The following ZFYVE9 variants were observed in gnomAD, a reference collection of about 807,000 sequenced individuals.
ZFYVE9 encodes zinc finger FYVE domain-containing protein 9.
In ZFYVE9, 43 loss-of-function variants were observed where a neutral mutation model predicts 126.7. That is an observed-to-expected ratio of 0.34 (90% CI 0.27 to 0.44). The LOEUF is 0.44. Ranked by LOEUF, ZFYVE9 falls within the 20% of genes least tolerant of loss-of-function variation. ZFYVE9 has a pLI of 1.00. For synonymous variants in ZFYVE9, 521 were observed against 597.4 expected (o/e 0.87, Z 1.87); for missense variants, 1,476 against 1,697.0 (o/e 0.87, Z 2.29).
At chr1:52,283,203 T>C (rs561288737) in intron 10 of ZFYVE9, among the ~76,000 whole-genome samples, 3 of 152,322 alleles carry the variant, frequency 2.0e-5, no homozygotes, top group South Asian at 2.1e-4. Flanking sequence ...AATCTGAATG[T>C]ATTCACTTTT....
intron 1 of ZFYVE9, among the ~76,000 whole-genome samples, chr1:52,159,897 G>A (rs1297219179): frequency 6.6e-6 from 1 of 151,744 alleles, no homozygotes; most frequent in Non-Finnish European, 1.5e-5. Flanking sequence ...CCAGGTTCAC[G>A]CTGTTCTCCT....
chr1:52,160,537 G>A, intron 1 of ZFYVE9: 1 of 774,134 alleles, frequency 1.3e-6, no homozygotes, highest in South Asian at 1.4e-5. Context: ...CCCAGCCCTT[G>A]TGACACGCCT....
rs548212599 is a variant in ZFYVE9 at position 52,156,937 on chromosome 1, A to G, written c.-143+14534A>G. Reference sequence around the variant, plus strand: ...AAGCTCTGCCTCTCGGGTTCACACCATTCTCTTGCCTCAGCCTCCCGAGTA... The same window carrying G: ...AAGCTCTGCCTCTCGGGTTCACACCGTTCTCTTGCCTCAGCCTCCCGAGTA... On this transcript the variant is annotated intron_variant, in intron 1 of 18. Transcript: ENST00000287727. 2.0e-5 allele frequency among the ~76,000 whole-genome samples: 3 copies of G among 150,874 alleles called. No individual in the cohort carries two copies. In the South Asian group the frequency reaches 6.3e-4, roughly 32 times the overall value.
intron 2 of ZFYVE9, among the ~76,000 whole-genome samples, chr1:52,225,926 A>G (rs1645166676): frequency 6.6e-6 from 1 of 152,190 alleles, no homozygotes; most frequent in South Asian, 2.1e-4. Flanking sequence ...TTTAATAAAC[A>G]GAAGAAAGGA....
chr1:52,292,206 C>T (rs980959645), intron 10 of ZFYVE9, among the ~76,000 whole-genome samples: 1 of 148,498 alleles, frequency 6.7e-6, no homozygotes, highest in African/African-American at 2.5e-5. Flanking sequence ...TTGCTTGAAC[C>T]TGGGAGGCAG....
At chr1:52,324,582 C>A (rs1207663544) in intron 13 of ZFYVE9, among the ~76,000 whole-genome samples, 1 of 152,184 alleles carries the variant, frequency 6.6e-6, no homozygotes, top group Non-Finnish European at 1.5e-5. Context: ...CTAGAATTCT[C>A]CATCCCCTAG....
At chr1:52,230,070 G>T (rs1211343741) in intron 2 of ZFYVE9, among the ~76,000 whole-genome samples, 4 of 151,932 alleles carry the variant, frequency 2.6e-5, no homozygotes, top group Non-Finnish European at 5.9e-5. Context: ...GGGTTTCACC[G>T]TGTTAGCCAG....
intron 4 of ZFYVE9, among the ~76,000 whole-genome samples, chr1:52,247,489 A>G (rs1026350236): frequency 1.3e-5 from 2 of 151,976 alleles, no homozygotes; most frequent in Non-Finnish European, 2.9e-5. Flanking sequence ...CATAACAACT[A>G]TCTCCAGAGC....
rs201269373 is a variant in ZFYVE9, at chr1:52,238,791, A to G, written c.1374A>G (p.Glu458=). 19 of 1,614,130 alleles carry G rather than the reference A, an allele frequency of 1.2e-5. No individual in the cohort carries two copies. The highest frequency in any genetic ancestry group is 1.6e-4 in the Middle Eastern group (1 of 6,062). The part of the protein sequence containing the change: ...DLKGTCISES[E]ECDFSTVIDT... ...AAGGAACTTGCATTAGTGAAAGTGA[A>G]GAATGTGATTTCTCCACTGTTATAG... The change falls in exon 4 of 19, where the codon GAA becomes GAG. Residue 458 remains glutamate (E), a synonymous_variant. Transcript: ENST00000287727.
At position 52,149,511 on chromosome 1, in the gene ZFYVE9, T is replaced by G. The variant is rs114684769; in HGVS notation, c.-143+7108T>G. 4.8e-3 allele frequency among the ~76,000 whole-genome samples: 735 copies of G among 152,316 alleles called. 6 individuals carry two copies. Among genetic ancestry groups the G allele is most frequent in the African/African-American group, 0.017 (705 of 41,584 alleles). ...GTTTCATATTAACATTTCTAGGCAG[T>G]CAGGCATGACAGATTTTAAGAATTG... On this transcript the variant is annotated intron_variant, in intron 1 of 18. Transcript: ENST00000287727.
chr1:52,195,242 TA>T (rs1644849725), intron 1 of ZFYVE9, among the ~76,000 whole-genome samples: 1 of 152,160 alleles, frequency 6.6e-6, no homozygotes, highest in African/African-American at 2.4e-5. Context: ...ACACTGAAAA[TA>T]TTTCTAAAGG....
At chr1:52,180,199 A>G (rs1644684508) in intron 1 of ZFYVE9, 1 of 1,574,438 alleles carries the variant, frequency 6.4e-7, no homozygotes, top group Non-Finnish European at 8.7e-7. Flanking sequence ...CTTTACAAAC[A>G]AGGAATTCCC....
At chr1:52,276,850 C>A (rs540674744) in intron 8 of ZFYVE9, among the ~76,000 whole-genome samples, 52 of 152,128 alleles carry the variant, frequency 3.4e-4, no homozygotes, top group Non-Finnish European at 4.4e-4. Flanking sequence ...ATTTTCAGAT[C>A]GTATTCTTTC....
Position 52,238,009 on chromosome 1 carries a change from A to G in ZFYVE9, c.592A>G (p.Ser198Gly). 1.2e-6 allele frequency: 2 copies of G among 1,613,970 alleles called. No homozygotes were observed. Among genetic ancestry groups the G allele is most frequent in the African/African-American group, 1.3e-5 (1 of 75,044 alleles). The stretch of plus-strand genomic sequence containing the variant: ...CAGACAAACTGATCAATTTAGTTTT[A>G]GTATAAATGAGTCCACTGAAAAAGA... ...ENRQTDQFSFSINESTEKDMN... is the reference protein window; with the variant it reads ...ENRQTDQFSFGINESTEKDMN... Residue 198 changes from serine (S) to glycine (G), a missense_variant, in exon 4 of 19, where the codon AGT becomes GGT. This residue lies in a region of ZFYVE9 where 807 missense variants were observed against 794.6 expected (regional missense o/e 1.02). Transcript: ENST00000287727.
chr1:52,338,120 G>A (rs182982711), intron 16 of ZFYVE9, among the ~76,000 whole-genome samples, 186 bp downstream of exon 16: 112 of 152,280 alleles, frequency 7.4e-4, no homozygotes, highest in African/African-American at 2.4e-3. Flanking sequence ...AGGAGTTTCT[G>A]TATGTATTTT....
chr1:52,193,988 A>G (rs1644839039), intron 1 of ZFYVE9, among the ~76,000 whole-genome samples: 1 of 152,168 alleles, frequency 6.6e-6, no homozygotes, highest in Non-Finnish European at 1.5e-5. Context: ...AAGTAGTTGT[A>G]ATCCCAGCTT....
intron 13 of ZFYVE9, among the ~76,000 whole-genome samples, chr1:52,324,763 C>A (rs1646275186): frequency 6.6e-6 from 1 of 152,170 alleles, no homozygotes; most frequent in Non-Finnish European, 1.5e-5. Flanking sequence ...ATAGATTTTT[C>A]ACACCTTTGT....
chr1:52,342,272 T>C (rs1646444089), intron 17 of ZFYVE9, among the ~76,000 whole-genome samples: 1 of 149,974 alleles, frequency 6.7e-6, no homozygotes, highest in African/African-American at 2.4e-5. Flanking sequence ...TTTGCCTTTT[T>C]TTTTTTTTTT....
chr1:52,239,318 C>T lies in ZFYVE9; in HGVS notation c.1901C>T (p.Pro634Leu), dbSNP rs375109668. The change falls in exon 4 of 19, where the codon CCA becomes CTA. Residue 634 changes from proline (P) to leucine (L), a missense_variant. By Grantham distance (98) the Pro-to-Leu change is moderately conservative (BLOSUM62 -3). Transcript: ENST00000287727. ...AACTCAGCAACCAATGTATGCAGTC[C>T]ATCTTTGGGAAACATCTCTAATGTC... is the stretch of plus-strand genomic sequence containing the variant. ...GENSATNVCS[P>L]SLGNISNVDT... 6.2e-7 allele frequency: 1 copy of T among 1,614,104 alleles called. No homozygotes were observed. The highest frequency in any genetic ancestry group is 1.7e-5 in the Admixed American group (1 of 60,008).
Sources: gnomAD v4.1 joint callset for allele counts (sites outside exome capture counted in the v4.1 genomes callset) on GRCh38, gnomAD v4.1.1 for gene constraint, gnomAD v4.1.1 regional missense constraint, MANE v1.5 for transcripts, NCBI Gene and HGNC (gene_info 2026-07-23, HGNC 2026-07-21) for gene names.